Variants in ATP11A observed in about 807,000 individuals in gnomAD.
ATP11A encodes phospholipid-transporting ATPase IH.
In ATP11A, 81 loss-of-function variants were observed where a neutral mutation model predicts 154.4. The ratio of observed to expected loss-of-function variants is 0.52; its 90% CI spans 0.44 to 0.63. The LOEUF is 0.63. ATP11A is among the 30% of genes least tolerant of loss of function. ATP11A has a pLI of 0.00. For synonymous variants in ATP11A, 623 were observed against 585.9 expected, an observed-to-expected ratio of 1.06 and a Z score of -0.91; for missense variants, 1,316 against 1,474.3, an observed-to-expected ratio of 0.89 and a Z score of 1.76.
At chr13:112,792,913 A>G (rs2077898519) in intron 2 of ATP11A, among the ~76,000 whole-genome samples, 1 of 152,266 alleles carries the variant, frequency 6.6e-6, no homozygotes, top group Admixed American at 6.5e-5. Context: ...CTGTCCCTCC[A>G]TGCCTTCAAG....
At chr13:112,736,353 T>C (rs1399171259) in intron 1 of ATP11A, among the ~76,000 whole-genome samples, 1 of 152,194 alleles carries the variant, frequency 6.6e-6, no homozygotes, top group Non-Finnish European at 1.5e-5. Flanking sequence ...GTCTGACACA[T>C]AGGAACACAC....
chr13:112,757,466 T>C (rs1374924416), intron 1 of ATP11A, among the ~76,000 whole-genome samples: 2 of 152,268 alleles, frequency 1.3e-5, no homozygotes, highest in African/African-American at 4.8e-5. Flanking sequence ...CTACAAGGTC[T>C]ATTCAGGTCA....
chr13:112,803,019 A>C (rs1448676427), intron 2 of ATP11A, among the ~76,000 whole-genome samples: 1 of 152,174 alleles, frequency 6.6e-6, no homozygotes, highest in Non-Finnish European at 1.5e-5. Flanking sequence ...TTTTTATTAC[A>C]GTCAACCTGA....
At chr13:112,819,757 G>A (rs969873362) in intron 7 of ATP11A, 143 bp from the exon 8 acceptor site, 23 of 787,138 alleles carry the variant, frequency 2.9e-5, no homozygotes, top group Non-Finnish European at 3.8e-5. Flanking sequence ...GACAAGGGAA[G>A]GGGCTGGAGC....
At chr13:112,739,288 T>A (rs1384408847) in intron 1 of ATP11A, among the ~76,000 whole-genome samples, 1 of 152,230 alleles carries the variant, frequency 6.6e-6, no homozygotes, top group Non-Finnish European at 1.5e-5. Context: ...AATGATGCTC[T>A]AATCTAACCG....
intron 1 of ATP11A, among the ~76,000 whole-genome samples, chr13:112,701,812 G>A (rs971229921): frequency 6.6e-6 from 1 of 151,708 alleles, no homozygotes; most frequent in Non-Finnish European, 1.5e-5. Context: ...CAGCCTGGGC[G>A]ACAGAGCAGG....
At chr13:112,867,588 G>C (rs7327087) in intron 25 of ATP11A, among the ~76,000 whole-genome samples, 37,073 of 152,188 alleles carry the variant, frequency 0.24, 4,825 homozygotes, top group African/African-American at 0.29. Flanking sequence ...TGGCGTGTCC[G>C]CAGTCAGCTG....
chr13:112,865,777 C>G (rs2080311151), intron 25 of ATP11A, among the ~76,000 whole-genome samples: 1 of 152,232 alleles, frequency 6.6e-6, no homozygotes, highest in Admixed American at 6.5e-5. Context: ...TCTCCATCTC[C>G]TGACCTCAGG....
intron 8 of ATP11A, among the ~76,000 whole-genome samples, chr13:112,822,278 A>G (rs2078816689): frequency 6.6e-6 from 1 of 152,182 alleles, no homozygotes; most frequent in Non-Finnish European, 1.5e-5. Flanking sequence ...TTATTTTTCC[A>G]TCAGCAGGGA....
At chr13:112,805,754 G>A (rs1316976142) in intron 3 of ATP11A, among the ~76,000 whole-genome samples, 1 of 149,356 alleles carries the variant, frequency 6.7e-6, no homozygotes, top group African/African-American at 2.5e-5. Flanking sequence ...TTAAAGGAAA[G>A]AAAAAAAAGA....
rs181817569 is a variant in ATP11A, at chr13:112,753,943, G to C, written c.40-31192G>C. On this transcript the variant is annotated intron_variant, in intron 1 of 29. Transcript: ENST00000375645. This position sits in a 1 kb window ranked among gnomAD's most constrained non-coding sequence, Gnocchi z 4.1. ...CTATGTTCTTCCTGGGGCATCATTT[G>C]AGCTCATTACGTGGACACCGCTGCC... Among the ~76,000 whole-genome samples, 17 of 152,350 alleles carry C rather than the reference G, an allele frequency of 1.1e-4. No homozygotes were observed. In the East Asian group the frequency reaches 2.9e-3, roughly 26 times the overall value.
chr13:112,882,046 T>C lies in ATP11A; in HGVS notation c.*180T>C. 2.2e-6 allele frequency: 3 copies of C among 1,367,608 alleles called. No individual in the cohort carries two copies. Among genetic ancestry groups the C allele is most frequent in the Non-Finnish European group, 2.9e-6 (3 of 1,021,948 alleles). 84.7% of individuals were successfully genotyped at this position (1,367,608 alleles called of 1,614,324 possible). On this transcript the variant is annotated 3_prime_UTR_variant, in exon 30 of 30. Transcript: ENST00000375645. The surrounding 1 kb of genome is among the most constrained non-coding windows in gnomAD (Gnocchi z 5.1). Reference sequence around the variant, plus strand: ...CAAGTCACAGCTGCCCTAGGTCCCGTGTGGGAATGCTCGTGTGATGGATGG... The same window carrying C: ...CAAGTCACAGCTGCCCTAGGTCCCGCGTGGGAATGCTCGTGTGATGGATGG...
At chr13:112,799,637 C>T (rs1362344464) in intron 2 of ATP11A, among the ~76,000 whole-genome samples, 2 of 152,202 alleles carry the variant, frequency 1.3e-5, no homozygotes, top group Non-Finnish European at 2.9e-5. Context: ...TCTTCAGTTG[C>T]TCCAGGCCAT....
intron 16 of ATP11A, among the ~76,000 whole-genome samples, chr13:112,839,517 C>T (rs1424773868): frequency 6.6e-6 from 1 of 152,186 alleles, no homozygotes; most frequent in African/African-American, 2.4e-5. Context: ...AGCCCTTTCT[C>T]TTCTCCAAAT....
chr13:112,696,903 A>C lies in ATP11A; in HGVS notation c.39+6448A>C, dbSNP rs950721877. 1 of 152,360 alleles carries C rather than the reference A, an allele frequency of 6.6e-6. No homozygotes were observed. The highest frequency in any genetic ancestry group is 2.4e-5 in the African/African-American group (1 of 41,434). The allele number at this position is 152,360 out of a possible 1,614,324, so 9.4% of individuals were successfully genotyped here. A position where few individuals can be genotyped will look rare whatever the true frequency, so the allele number is the denominator to read the frequency against. On this transcript the variant is annotated intron_variant, in intron 1 of 29. Transcript: ENST00000375645. This position sits in a 1 kb window ranked among gnomAD's most constrained non-coding sequence, Gnocchi z 6.2. ...TTGGAATGGGGGAGGCGAACAGGAA[A>C]CCACCACAGTGAGTGTTGGGGTGCC...
chr13:112,819,180 A>G, intron 6 of ATP11A, 124 bp from the exon 7 acceptor site: 2 of 773,062 alleles, frequency 2.6e-6, no homozygotes, highest in Non-Finnish European at 4.4e-6. Flanking sequence ...TCTTTCTGTA[A>G]CTATTAAACA....
In ATP11A at chr13:112,696,087, G is replaced by A. The variant is rs1276771290; in HGVS notation, c.39+5632G>A. On this transcript the variant is annotated intron_variant, in intron 1 of 29. Transcript: ENST00000375645. This position sits in a 1 kb window ranked among gnomAD's most constrained non-coding sequence, Gnocchi z 6.2. ...ACGGCTGCGTGGCCTTGGCAAGTTG[G>A]TTGCCCCCTGTACGCTTGGTGCCCC... is the stretch of plus-strand genomic sequence containing the variant. Among the ~76,000 whole-genome samples, 1 of 152,220 alleles carries A rather than the reference G, an allele frequency of 6.6e-6. No homozygotes were observed. Among genetic ancestry groups the A allele is most frequent in the African/African-American group, 2.4e-5 (1 of 41,476 alleles).
chr13:112,804,863 C>T, intron 2 of ATP11A, 94 bp from the exon 3 acceptor site: 2 of 663,980 alleles, frequency 3.0e-6, no homozygotes, highest in Non-Finnish European at 2.5e-6. Context: ...ACATTTTGTA[C>T]TGTAAAATCC....
At position 112,886,762 on chromosome 13, in the gene ATP11A, G is replaced by A. The variant is rs144154049; in HGVS notation, c.*4896G>A. The A allele has an allele frequency of 7.2e-4, 110 of 152,522 alleles. No individual in the cohort carries two copies. Among genetic ancestry groups the A allele is most frequent in the African/African-American group, 2.5e-3 (102 of 41,512 alleles). The allele number at this position is 152,522 out of a possible 1,614,324, so 9.4% of individuals were successfully genotyped here. ...TCTGACTTAAAATTATAATGTCTGC[G>A]TCACCATTTAAAATGTCTGTTCATT... On this transcript the variant is annotated 3_prime_UTR_variant, in exon 30 of 30. Coordinates refer to ENST00000375645, the MANE Select transcript of ATP11A (RefSeq NM_015205.3).
Sources: gnomAD v4.1 joint callset for allele counts (sites outside exome capture counted in the v4.1 genomes callset) on GRCh38, gnomAD v4.1.1 for gene constraint, Gnocchi (gnomAD v3.1) non-coding constraint, MANE v1.5 for transcripts, NCBI Gene and HGNC (gene_info 2026-07-23, HGNC 2026-07-21) for gene names.